Variants in NELL1 observed in about 807,000 individuals in gnomAD.
NELL1 encodes protein kinase C-binding protein NELL1.
A neutral mutation model predicts 107.4 loss-of-function variants in NELL1; 76 were observed. That is an observed-to-expected ratio of 0.71 (90% confidence interval 0.59 to 0.86). NELL1 has a LOEUF of 0.86. Ranked by LOEUF, NELL1 falls within the 40% of genes least tolerant of loss-of-function variation. The pLI is 0.00. For missense variants in NELL1, 1,024 were observed against 1,005.5 expected, an observed-to-expected ratio of 1.02 and a Z score of -0.25; for synonymous variants, 353 against 341.2, an observed-to-expected ratio of 1.03 and a Z score of -0.38.
chr11:21,090,720 T>C (rs1372549359), intron 12 of NELL1, among the ~76,000 whole-genome samples: 1 of 152,194 alleles, frequency 6.6e-6, no homozygotes, highest in East Asian at 1.9e-4. Context: ...GTAAGGCTGA[T>C]GGGGGATTCT....
At chr11:21,348,877 A>G (rs1220799844) in intron 14 of NELL1, among the ~76,000 whole-genome samples, 1 of 152,220 alleles carries the variant, frequency 6.6e-6, no homozygotes, top group Non-Finnish European at 1.5e-5. Flanking sequence ...GGTAACATAT[A>G]TGGAAAACAT....
intron 15 of NELL1, among the ~76,000 whole-genome samples, chr11:21,502,238 G>A (rs992488362): frequency 1.3e-5 from 2 of 152,184 alleles, no homozygotes; most frequent in African/African-American, 4.8e-5. Flanking sequence ...TAAATAAATA[G>A]TCTTGATTGA....
At position 21,064,329 on chromosome 11, in the gene NELL1, C is replaced by G. The variant is rs114787232; in HGVS notation, c.1301-49260C>G. Among the ~76,000 whole-genome samples, 832 of 152,146 alleles carry G rather than the reference C, an allele frequency of 5.5e-3. 6 individuals carry two copies. Among genetic ancestry groups the G allele is most frequent in the African/African-American group, 0.019 (799 of 41,506 alleles). On this transcript the variant is annotated intron_variant, in intron 12 of 19. Transcript: ENST00000357134. ...TGTGGTAAAAACGGACTATAACAAA[C>G]AAGAATAGAAGGAATACTAGTTTTG...
At chr11:20,798,866 G>T (rs1407570304) in intron 3 of NELL1, among the ~76,000 whole-genome samples, 5 of 152,188 alleles carry the variant, frequency 3.3e-5, no homozygotes, top group Admixed American at 3.3e-4. Context: ...AATCTGCTTT[G>T]GACACTTATC....
Position 20,669,796 on chromosome 11 carries a change from G to T in NELL1, c.55+18G>T, listed in dbSNP as rs750071563. On this transcript the variant is annotated intron_variant, in intron 1 of 19. Transcript: ENST00000357134. The surrounding 1 kb of genome is among the most constrained non-coding windows in gnomAD (Gnocchi z 4.4). Reference sequence around the variant, plus strand: ...CAGGACAGGTAAGCATGACTGTGGCGGTTAGAGGGATCCGGGAAATGGGGG... The same window carrying T: ...CAGGACAGGTAAGCATGACTGTGGCTGTTAGAGGGATCCGGGAAATGGGGG... 6.2e-7 allele frequency: 1 copy of T among 1,609,302 alleles called. No homozygotes were observed. The highest frequency in any genetic ancestry group is 8.5e-7 in the Non-Finnish European group (1 of 1,175,866).
intron 4 of NELL1, among the ~76,000 whole-genome samples, chr11:20,861,151 T>C (rs1782886121): frequency 6.6e-6 from 1 of 152,212 alleles, no homozygotes; most frequent in Admixed American, 6.5e-5. Flanking sequence ...TTTAAAGATA[T>C]ACAATACCCA....
chr11:21,016,084 T>C (rs1302964243), intron 12 of NELL1, among the ~76,000 whole-genome samples: 1 of 152,206 alleles, frequency 6.6e-6, no homozygotes, highest in African/African-American at 2.4e-5. Flanking sequence ...TTATCGGCAT[T>C]ATTGGACACT....
At chr11:21,121,868 G>C (rs1855375479) in intron 13 of NELL1, among the ~76,000 whole-genome samples, 1 of 152,046 alleles carries the variant, frequency 6.6e-6, no homozygotes, top group South Asian at 2.1e-4. Flanking sequence ...ACCAATTTTA[G>C]TTTTCCATAT....
chr11:21,253,840 G>A (rs1021713028), intron 14 of NELL1, among the ~76,000 whole-genome samples: 2 of 152,066 alleles, frequency 1.3e-5, no homozygotes, highest in Non-Finnish European at 2.9e-5. Context: ...TTTTGTGAGG[G>A]CTATAAACAA....
intron 5 of NELL1, among the ~76,000 whole-genome samples, chr11:20,913,696 G>A (rs1034820284): frequency 9.9e-5 from 15 of 151,860 alleles, no homozygotes; most frequent in Non-Finnish European, 1.5e-4. Context: ...TTTTTCTGCC[G>A]TCCATCCGTA....
At chr11:21,444,304 A>T (rs1853363317) in intron 15 of NELL1, among the ~76,000 whole-genome samples, 1 of 152,148 alleles carries the variant, frequency 6.6e-6, no homozygotes, top group East Asian at 1.9e-4. Flanking sequence ...CAAAGATGAA[A>T]TACATATATT....
chr11:20,999,110 C>G (rs892836169), intron 12 of NELL1, among the ~76,000 whole-genome samples: 6 of 152,096 alleles, frequency 3.9e-5, no homozygotes, highest in Non-Finnish European at 8.8e-5. Flanking sequence ...TGCCACATCC[C>G]CATGCTAAGT....
At chr11:21,333,087 T>G (rs1413371968) in intron 14 of NELL1, among the ~76,000 whole-genome samples, 2 of 152,036 alleles carry the variant, frequency 1.3e-5, no homozygotes, top group Non-Finnish European at 2.9e-5. Flanking sequence ...GGACTTAAGG[T>G]CATTCTTGGG....
intron 13 of NELL1, among the ~76,000 whole-genome samples, chr11:21,128,641 C>T (rs186645367): frequency 4.6e-5 from 7 of 152,178 alleles, no homozygotes; most frequent in East Asian, 3.9e-4. Flanking sequence ...AATAAAAATG[C>T]GGCATTGATT....
chr11:20,865,823 T>C (rs564623395), intron 4 of NELL1, among the ~76,000 whole-genome samples: 2 of 152,146 alleles, frequency 1.3e-5, no homozygotes, highest in African/African-American at 2.4e-5. Context: ...CTGTAAACAA[T>C]GCCGTTTAAT....
intron 12 of NELL1, among the ~76,000 whole-genome samples, chr11:21,058,997 C>A (rs1382427858): frequency 6.6e-6 from 1 of 152,072 alleles, no homozygotes; most frequent in East Asian, 1.9e-4. Context: ...CCTTTGGTGG[C>A]CAATCATCAT....
chr11:20,674,625 G>C (rs1854005382), intron 1 of NELL1: 2 of 1,080,690 alleles, frequency 1.9e-6, no homozygotes, highest in African/African-American at 1.6e-5. Flanking sequence ...CTTGATAAAT[G>C]AATGCTTTTC....
rs181670684 is a variant in NELL1 at position 21,261,541 on chromosome 11, T to C, written c.1549+32087T>C. Among the ~76,000 whole-genome samples the C allele has an allele frequency of 1.5e-3, 231 of 151,808 alleles. 1 individual carries two copies. Among genetic ancestry groups the C allele is most frequent in the African/African-American group, 5.3e-3 (220 of 41,462 alleles). ...TGCATATATTTAGCCCTCACAAAAC[T>C]CTGTGAGGAAGATACTATTACCTAC... On this transcript the variant is annotated intron_variant, in intron 14 of 19. Transcript: ENST00000357134.
At chr11:21,501,230 A>T (rs1206952444) in intron 15 of NELL1, among the ~76,000 whole-genome samples, 2 of 152,126 alleles carry the variant, frequency 1.3e-5, no homozygotes, top group Admixed American at 1.3e-4. Flanking sequence ...TTTCCATGGG[A>T]TGCAAATCTT....
Sources: gnomAD v4.1 joint callset for allele counts (sites outside exome capture counted in the v4.1 genomes callset) on GRCh38, gnomAD v4.1.1 for gene constraint, Gnocchi (gnomAD v3.1) non-coding constraint, MANE v1.5 for transcripts, NCBI Gene and HGNC (gene_info 2026-07-23, HGNC 2026-07-21) for gene names.